Variants in XKR7 observed in about 807,000 individuals in gnomAD.
The protein encoded by XKR7 is XK related 7, also known as XK-related protein 7.
In XKR7, 11 loss-of-function variants were observed where a neutral mutation model predicts 42.2. That is an observed-to-expected ratio of 0.26 (90% CI 0.16 to 0.43). XKR7 has a LOEUF of 0.43. Ranked by LOEUF, XKR7 falls within the 20% of genes least tolerant of loss-of-function variation. XKR7 has a pLI of 1.00. For synonymous variants in XKR7, 346 were observed against 366.4 expected (o/e 0.94, Z 0.64); for missense variants, 710 against 802.2 (o/e 0.89, Z 1.39).
At chr20:31,986,783 CACAG>C (rs1283943474) in intron 1 of XKR7, among the ~76,000 whole-genome samples, 4 of 139,536 alleles carry the variant, frequency 2.9e-5, no homozygotes, top group African/African-American at 5.1e-5. Context: ...GCATCCAAGA[CACAG>C]ACAGACAGAC....
rs138900925 is a variant in XKR7, at chr20:31,973,806, C to G, written c.584+5047C>G. On this transcript the variant is annotated intron_variant, in intron 1 of 2. Transcript: ENST00000562532. ...CATGGCAAGGACTAGGGCTTTTACT[C>G]TTCATGACACGGGGAGCCCAGGATA... Among the ~76,000 whole-genome samples the G allele has an allele frequency of 1.8e-3, 267 of 152,306 alleles. 1 individual carries two copies. The highest frequency in any genetic ancestry group is 6.1e-3 in the African/African-American group (253 of 41,556).
chr20:31,987,484 T>A (rs7362212), intron 1 of XKR7, among the ~76,000 whole-genome samples: 1,229 of 36,852 alleles, frequency 0.033, 30 homozygotes, highest in African/African-American at 0.095. Context: ...GCACAGACAG[T>A]CCACCAAGTA....
At position 31,997,062 on chromosome 20, in the gene XKR7, C is replaced by A. The variant is rs1386644470; in HGVS notation, c.1345C>A (p.Gln449Lys). 6.2e-7 allele frequency: 1 copy of A among 1,613,712 alleles called. No homozygotes were observed. The highest frequency in any genetic ancestry group is 1.3e-5 in the African/African-American group (1 of 74,962). The change falls in exon 3 of 3, where the codon CAG (glutamine) becomes AAG (lysine). Residue 449 changes from glutamine (Q) to lysine (K), a missense_variant. By Grantham distance (53) the Gln-to-Lys change is moderately conservative. This residue lies in a region of XKR7 where 708 missense variants were observed against 786.2 expected (regional missense o/e 0.90). Coordinates refer to ENST00000562532, the MANE Select transcript of XKR7 (RefSeq NM_001011718.2). ...LHPNGPMLGP[Q>K]APGCIFRKAS... is the part of the protein sequence containing the mutation. ...CCCCAATGGGCCCATGCTGGGTCCC[C>A]AGGCACCTGGTTGCATCTTCCGTAA...
chr20:31,991,325 G>A (rs915526292), intron 1 of XKR7, among the ~76,000 whole-genome samples: 3 of 152,150 alleles, frequency 2.0e-5, no homozygotes, highest in South Asian at 2.1e-4. Context: ...GGAATGTGGC[G>A]GCAGTGGGGA....
chr20:31,993,335 T>C (rs1237649685), intron 1 of XKR7, among the ~76,000 whole-genome samples: 1 of 152,142 alleles, frequency 6.6e-6, no homozygotes, highest in Non-Finnish European at 1.5e-5. Flanking sequence ...CAGAGATCTG[T>C]GTGGAGAGTT....
chr20:31,990,917 C>T (rs1321470580), intron 1 of XKR7, among the ~76,000 whole-genome samples: 2 of 152,106 alleles, frequency 1.3e-5, no homozygotes, highest in African/African-American at 4.8e-5. Flanking sequence ...GAGGCAGAAC[C>T]CAGGCCTTTT....
At chr20:31,988,933 TAGTC>T (rs930607823) in intron 1 of XKR7, among the ~76,000 whole-genome samples, 2 of 152,026 alleles carry the variant, frequency 1.3e-5, no homozygotes, top group African/African-American at 4.8e-5. Context: ...ATTCAGCAAA[TAGTC>T]AGTGCCTACT....
chr20:31,971,117 G>C (rs2064463406), intron 1 of XKR7, among the ~76,000 whole-genome samples: 1 of 152,194 alleles, frequency 6.6e-6, no homozygotes, highest in South Asian at 2.1e-4. Context: ...TAGAAAGTCA[G>C]GGCTTCTGTT....
chr20:31,997,229 G>T lies in XKR7; in HGVS notation c.1512G>T (p.Arg504=), dbSNP rs113743853. The change falls in exon 3 of 3, where the codon CGG becomes CGT. Residue 504 remains arginine (R), a synonymous_variant. Transcript: ENST00000562532. The stretch of plus-strand genomic sequence containing the variant: ...CCACCCCACCTGTCTTCCAGGTGCG[G>T]CCTGGCTTGCCTCCCACACCAGTGG... ...GTPTPPVFQV[R]PGLPPTPVAR... is the part of the protein sequence containing the mutation. 3.7e-5 allele frequency: 59 copies of T among 1,611,312 alleles called. 1 individual carries two copies. Among genetic ancestry groups the T allele is most frequent in the African/African-American group, 9.3e-5 (7 of 75,068 alleles).
At position 31,997,215 on chromosome 20, in the gene XKR7, G is replaced by A. The variant is rs773790508; in HGVS notation, c.1498G>A (p.Val500Ile). The change falls in exon 3 of 3, where the codon GTC becomes ATC. Residue 500 changes from valine to isoleucine, a missense_variant. Around this residue, in one of 2 missense-constraint regions of XKR7, gnomAD observed 708 missense variants for 786.2 expected, o/e 0.90. Transcript: ENST00000562532. ...GCGTGCAGGGACCCCCACCCCACCT[G>A]TCTTCCAGGTGCGGCCTGGCTTGCC... ...GERAGTPTPP[V>I]FQVRPGLPPT... 1.4e-5 allele frequency: 23 copies of A among 1,610,762 alleles called. No homozygotes were observed. Among genetic ancestry groups the A allele is most frequent in the Non-Finnish European group, 1.9e-5 (23 of 1,179,826 alleles).
At chr20:31,978,375 G>T (rs999766984) in intron 1 of XKR7, among the ~76,000 whole-genome samples, 1 of 152,250 alleles carries the variant, frequency 6.6e-6, no homozygotes, top group African/African-American at 2.4e-5. Context: ...CTCCCAAAGT[G>T]CTGGGATTGC....
At chr20:31,973,214 G>A (rs769951269) in intron 1 of XKR7, among the ~76,000 whole-genome samples, 48 of 152,290 alleles carry the variant, frequency 3.2e-4, no homozygotes, top group Non-Finnish European at 4.4e-4. Flanking sequence ...CTTTGTTCAC[G>A]GAGCACATGG....
chr20:31,971,705 T>C (rs2064466563), intron 1 of XKR7, among the ~76,000 whole-genome samples: 2 of 152,270 alleles, frequency 1.3e-5, no homozygotes, highest in South Asian at 4.1e-4. Context: ...CTGAATAAAA[T>C]AATTATAATC....
chr20:31,984,590 G>A (rs1177868045), intron 1 of XKR7, among the ~76,000 whole-genome samples: 1 of 152,196 alleles, frequency 6.6e-6, no homozygotes, highest in East Asian at 1.9e-4. Context: ...TCGAGGAGCT[G>A]GGCTTTCCTG....
Position 31,999,819 on chromosome 20 carries a change from TTA to T in XKR7, c.*2364_*2365del, listed in dbSNP as rs1442561380. The T allele has an allele frequency of 4.6e-5, 7 of 152,152 alleles. No individual in the cohort carries two copies. Among genetic ancestry groups the T allele is most frequent in the Non-Finnish European group, 8.8e-5 (6 of 68,052 alleles). The allele number at this position is 152,152 out of a possible 1,614,324, so 9.4% of individuals were successfully genotyped here. A position where few individuals can be genotyped will look rare whatever the true frequency, so the allele number is the denominator to read the frequency against. On this transcript the variant is annotated 3_prime_UTR_variant, in exon 3 of 3. Coordinates refer to ENST00000562532, the MANE Select transcript of XKR7 (RefSeq NM_001011718.2). ...TAGCATGAGGGTCACCCTTGGCAAG[TTA>T]TTCTCCTCCCCAGTATCCCAGAATG...
At chr20:31,977,882 G>GGGAT (rs1394250917) in intron 1 of XKR7, among the ~76,000 whole-genome samples, 10 of 152,208 alleles carry the variant, frequency 6.6e-5, no homozygotes, top group African/African-American at 2.4e-4. Flanking sequence ...AACTTTGGCA[G>GGGAT]GGATGCTGTA....
chr20:31,968,384 A>C lies in XKR7; in HGVS notation c.209A>C (p.Asp70Ala). The change falls in exon 1 of 3, where the codon GAC (aspartate) becomes GCC (alanine). Residue 70 changes from aspartate to alanine, a missense_variant. Asp to Ala is a moderately radical substitution (Grantham distance 126). This residue lies in a region of XKR7 where 708 missense variants were observed against 786.2 expected (regional missense o/e 0.90). Transcript: ENST00000562532. The surrounding 1 kb of genome is among the most constrained non-coding windows in gnomAD (Gnocchi z 4.5). ...TGCGCGCTGCTCGTGTTCTTCTCCG[A>C]CGGTGCCACGGACCTGTGGCTGGCG... Reference protein sequence around the residue: ...VLCALLVFFSDGATDLWLAAS... With the variant: ...VLCALLVFFSAGATDLWLAAS... 6.2e-7 allele frequency: 1 copy of C among 1,613,068 alleles called. No individual in the cohort carries two copies. Among genetic ancestry groups the C allele is most frequent in the Non-Finnish European group, 8.5e-7 (1 of 1,179,702 alleles).
intron 1 of XKR7, among the ~76,000 whole-genome samples, chr20:31,991,662 G>A (rs1186798622): frequency 1.3e-5 from 2 of 152,084 alleles, no homozygotes; most frequent in Non-Finnish European, 2.9e-5. Flanking sequence ...GTCTCCTTAT[G>A]TCCCTGCCCA....
intron 1 of XKR7, among the ~76,000 whole-genome samples, chr20:31,993,014 A>G (rs2122278171): frequency 6.6e-6 from 1 of 152,200 alleles, no homozygotes; most frequent in Middle Eastern, 3.4e-3. Context: ...CCCTGGGAAT[A>G]GACCCCAAAT....
Sources: allele counts gnomAD v4.1 joint callset (sites outside exome capture counted in the v4.1 genomes callset), GRCh38; gene constraint gnomAD v4.1.1; regional missense constraint gnomAD v4.1.1; non-coding constraint Gnocchi (gnomAD v3.1); transcripts MANE v1.5; gene names NCBI Gene and HGNC (gene_info 2026-07-23, HGNC 2026-07-21).